Variants in C2orf92 observed in about 807,000 individuals in gnomAD.
C2orf92 encodes the protein uncharacterized protein C2orf92.
intron 3 of C2orf92, among the ~76,000 whole-genome samples, chr2:97,684,013 C>G (rs538880657): frequency 2.7e-5 from 4 of 146,350 alleles, no homozygotes; most frequent in African/African-American, 1.0e-4. Flanking sequence ...TACAGGTATG[C>G]GCCACCATGC....
chr2:97,685,687 C>G (rs564818978), intron 3 of C2orf92, among the ~76,000 whole-genome samples: 3 of 152,110 alleles, frequency 2.0e-5, no homozygotes, highest in Non-Finnish European at 4.4e-5. Flanking sequence ...CTCAGCCTCC[C>G]TAGTAGCTGG....
At chr2:97,673,711 G>A (rs898556490) in intron 1 of C2orf92, among the ~76,000 whole-genome samples, 3 of 152,070 alleles carry the variant, frequency 2.0e-5, no homozygotes, top group Admixed American at 1.3e-4. Flanking sequence ...ATATACTTCT[G>A]CCTCTCCCGC....
intron 3 of C2orf92, among the ~76,000 whole-genome samples, chr2:97,680,011 G>GTGTATGTGTATATGTA (rs1675713228): frequency 6.6e-6 from 1 of 151,942 alleles, no homozygotes; most frequent in African/African-American, 2.4e-5. Context: ...ACAACAAATA[G>GTGTATGTGTATATGTA]CAAAATGGCT....
At chr2:97,677,840 T>C (rs1369274355) in intron 3 of C2orf92, 2 of 152,124 alleles carry the variant, frequency 1.3e-5, no homozygotes, top group Non-Finnish European at 2.9e-5. Context: ...GAAAACAATG[T>C]ATAAATAAAA....
At chr2:97,674,422 T>C in intron 1 of C2orf92, 34 bp from the exon 2 acceptor site, 1 of 398,578 alleles carries the variant, frequency 2.5e-6, no homozygotes. Flanking sequence ...AAAATATTGC[T>C]GATATTAACA....
rs145595532 is a variant in C2orf92, at chr2:97,698,608, G to A, written c.404-418G>A. Among the ~76,000 whole-genome samples the A allele has an allele frequency of 2.8e-3, 427 of 152,282 alleles. 1 individual carries two copies. Among genetic ancestry groups the A allele is most frequent in the African/African-American group, 9.9e-3 (410 of 41,556 alleles). ...TTTTATGCAAGTGGAGAAGTAGGCT[G>A]GGGCTTAGAGAGGTTCTCTAAGTGT... On this transcript the variant is annotated intron_variant, in intron 5 of 7. Coordinates refer to ENST00000627399, the MANE Select transcript of C2orf92 (RefSeq NM_001351368.2).
At chr2:97,665,917 A>G (rs1198654624), upstream of C2orf92, 1 of 151,724 alleles carries the variant, frequency 6.6e-6, no homozygotes. Flanking sequence ...AGCTGGGACC[A>G]CAGGTGTGCA....
upstream of C2orf92, among the ~76,000 whole-genome samples, chr2:97,666,623 G>A (rs770798348): frequency 2.1e-4 from 31 of 151,120 alleles, no homozygotes; most frequent in Non-Finnish European, 4.1e-4. Context: ...TGGGTGGATT[G>A]CTTGAGCCCA....
At chr2:97,674,375 C>T (rs1442140857) in intron 1 of C2orf92, 81 bp from the exon 2 acceptor site, 1 of 397,418 alleles carries the variant, frequency 2.5e-6, no homozygotes, top group Non-Finnish European at 4.4e-6. Flanking sequence ...TTGTGTCATG[C>T]ATTCATTGTA....
intron 3 of C2orf92, among the ~76,000 whole-genome samples, chr2:97,676,162 C>T (rs949823522): frequency 3.9e-5 from 6 of 152,056 alleles, no homozygotes; most frequent in African/African-American, 7.2e-5. Context: ...GGAGCAGGAG[C>T]AGGGCTACCA....
At chr2:97,697,158 T>C (rs1036214029) in intron 5 of C2orf92, 2 of 152,188 alleles carry the variant, frequency 1.3e-5, no homozygotes, top group Admixed American at 6.5e-5. Context: ...GCTCCTGTCA[T>C]AGTTAGTAGT....
rs1381256048 is a variant in C2orf92 at position 97,674,440 on chromosome 2, G to T, written c.47-16G>T. 2.5e-6 allele frequency: 1 copy of T among 398,440 alleles called. No homozygotes were observed. Among genetic ancestry groups the T allele is most frequent in the African/African-American group, 2.1e-5 (1 of 48,606 alleles). 24.7% of individuals were successfully genotyped at this position (398,440 alleles called of 1,614,324 possible). ...ATATTGCTGATATTAACATGCCTTT[G>T]TTTGCTTCACTGGAGATGAAATTGT... On this transcript the variant is annotated splice_polypyrimidine_tract_variant and intron_variant, in intron 1 of 7. Coordinates refer to ENST00000627399, the MANE Select transcript of C2orf92 (RefSeq NM_001351368.2).
rs138735055 is a variant in C2orf92, at chr2:97,688,409, G to A, written c.233-486G>A. On this transcript the variant is annotated intron_variant, in intron 3 of 7. Coordinates refer to ENST00000627399, the MANE Select transcript of C2orf92 (RefSeq NM_001351368.2). ...CTGCTTCTTCCCAGGGAAGCCAGAA[G>A]CCTGAGAACTTAAAAGGGAAGGAGA... 5.2e-4 allele frequency among the ~76,000 whole-genome samples: 79 copies of A among 152,302 alleles called. 3 individuals carry two copies. In the East Asian group the frequency reaches 0.012, roughly 24 times the overall value.
At chr2:97,683,433 G>GC (rs1200296414) in intron 3 of C2orf92, among the ~76,000 whole-genome samples, 1 of 151,800 alleles carries the variant, frequency 6.6e-6, no homozygotes, top group East Asian at 1.9e-4. Context: ...TGGCATGATG[G>GC]CTCACACCTG....
rs999885631 is a variant in C2orf92 at position 97,698,968 on chromosome 2, C to T, written c.404-58C>T. ...TAGAAGAAGCTACTTTTATCATAAA[C>T]GCTGAACTAATCACATGCCATGGTT... On this transcript the variant is annotated intron_variant, in intron 5 of 7. Transcript: ENST00000627399. 21 of 397,444 alleles carry T rather than the reference C, an allele frequency of 5.3e-5. No individual in the cohort carries two copies. In the East Asian group the frequency reaches 6.4e-4, roughly 12 times the overall value. 24.6% of individuals were successfully genotyped at this position (397,444 alleles called of 1,614,324 possible). A position where few individuals can be genotyped will look rare whatever the true frequency, so the allele number is the denominator to read the frequency against.
intron 6 of C2orf92, among the ~76,000 whole-genome samples, 176 bp from the exon 7 acceptor site, chr2:97,700,978 G>T (rs560362216): frequency 2.6e-5 from 4 of 152,140 alleles, no homozygotes; most frequent in Admixed American, 6.5e-5. Flanking sequence ...TGATCCGCCC[G>T]CCTCAGCCTC....
intron 3 of C2orf92, among the ~76,000 whole-genome samples, chr2:97,682,380 G>T (rs1046141730): frequency 1.3e-5 from 2 of 152,122 alleles, no homozygotes; most frequent in African/African-American, 4.8e-5. Flanking sequence ...ATCTACAAAA[G>T]CTATAAATAA....
exon 1 of C2orf92, chr2:97,664,296 G>A (rs1675130883): frequency 6.5e-6 from 1 of 152,966 alleles, no homozygotes; most frequent in Admixed American, 6.5e-5. Flanking sequence ...CGGAGTCTGT[G>A]GAGCTGGAAA....
At chr2:97,694,891 C>T (rs1676262650) in intron 5 of C2orf92, among the ~76,000 whole-genome samples, 1 of 152,200 alleles carries the variant, frequency 6.6e-6, no homozygotes, top group Admixed American at 6.5e-5. Flanking sequence ...CTCGCCAATT[C>T]CCTAATGATT....
Sources: gnomAD v4.1 joint callset for allele counts (sites outside exome capture counted in the v4.1 genomes callset) on GRCh38, gnomAD v4.1.1 for gene constraint, MANE v1.5 for transcripts, NCBI Gene and HGNC (gene_info 2026-07-23, HGNC 2026-07-21) for gene names.